CCDC73: variants seen among roughly 807,000 people sequenced by gnomAD.
The protein encoded by CCDC73 is coiled-coil domain-containing protein 73.
Under a neutral mutation model 116.5 loss-of-function variants are expected in CCDC73, and 95 were observed. The observed-to-expected ratio is 0.82, with a 90% confidence interval of 0.69 to 0.97. The LOEUF (loss-of-function observed/expected upper bound fraction) is 0.97. Among genes scored for constraint, CCDC73 ranks in the 50% least tolerant of loss-of-function variants. The pLI is 0.00. For missense variants in CCDC73, 1,066 were observed against 1,206.8 expected (o/e 0.88, Z 1.73); for synonymous variants, 398 against 401.3 (o/e 0.99, Z 0.10).
At chr11:32,647,646 A>G (rs11031920) in intron 12 of CCDC73, among the ~76,000 whole-genome samples, 14 of 152,142 alleles carry the variant, frequency 9.2e-5, no homozygotes, top group African/African-American at 3.4e-4. Context: ...TAGCAGCTAT[A>G]GTCTTTTCTC....
chr11:32,701,976 T>C (rs1420123580), intron 4 of CCDC73, among the ~76,000 whole-genome samples: 2 of 152,194 alleles, frequency 1.3e-5, no homozygotes, highest in Non-Finnish European at 2.9e-5. Flanking sequence ...CCAAAGTCCT[T>C]TGTGACAGCA....
At position 32,741,835 on chromosome 11, in the gene CCDC73, T is replaced by C. The variant is rs184120798; in HGVS notation, c.135+18274A>G. On this transcript the variant is annotated intron_variant, in intron 2 of 17. Coordinates refer to ENST00000335185, the MANE Select transcript of CCDC73 (RefSeq NM_001008391.4). Reference sequence around the variant, plus strand: ...GTCACCCACCCCCCACAGGCCCCTGTGTGTGATGTTCCTCTCCCTGTGTCC... The same window carrying C: ...GTCACCCACCCCCCACAGGCCCCTGCGTGTGATGTTCCTCTCCCTGTGTCC... 3.5e-3 allele frequency among the ~76,000 whole-genome samples: 537 copies of C among 152,072 alleles called. 6 individuals carry two copies. Among genetic ancestry groups the C allele is most frequent in the African/African-American group, 0.012 (518 of 41,460 alleles).
At chr11:32,742,928 C>A (rs1306675121) in intron 2 of CCDC73, among the ~76,000 whole-genome samples, 1 of 152,114 alleles carries the variant, frequency 6.6e-6, no homozygotes, top group African/African-American at 2.4e-5. Flanking sequence ...TTCCCCATTG[C>A]TTATGTGTGT....
intron 1 of CCDC73, among the ~76,000 whole-genome samples, chr11:32,765,565 T>G (rs1469201250): frequency 1.3e-5 from 2 of 152,060 alleles, no homozygotes; most frequent in African/African-American, 4.8e-5. Context: ...TTGAAAACAA[T>G]GAGAACAAAG....
At chr11:32,758,431 G>C (rs1049738460) in intron 2 of CCDC73, 5 of 482,150 alleles carry the variant, frequency 1.0e-5, no homozygotes, top group Admixed American at 8.6e-5. Flanking sequence ...AGATTTCAAG[G>C]AGTTTGTGCT....
At chr11:32,744,598 T>TC (rs1850218115) in intron 2 of CCDC73, among the ~76,000 whole-genome samples, 3 of 152,230 alleles carry the variant, frequency 2.0e-5, no homozygotes. Context: ...CTGTTATTGG[T>TC]CTATTCAGAG....
chr11:32,705,534 C>T (rs910503731), intron 3 of CCDC73, among the ~76,000 whole-genome samples: 1 of 152,210 alleles, frequency 6.6e-6, no homozygotes, highest in Non-Finnish European at 1.5e-5. Flanking sequence ...CACTCGCTCA[C>T]ACACCCCTCG....
chr11:32,612,851 T>C (rs1350942658), intron 16 of CCDC73, among the ~76,000 whole-genome samples: 1 of 152,296 alleles, frequency 6.6e-6, no homozygotes, highest in East Asian at 1.9e-4. Flanking sequence ...TCTCCCCCCA[T>C]TTTTTCTGGA....
intron 9 of CCDC73, among the ~76,000 whole-genome samples, chr11:32,665,175 C>T (rs9666148): frequency 0.26 from 39,478 of 151,882 alleles, 5,598 homozygotes; most frequent in South Asian, 0.35. Flanking sequence ...CTATTAGGTC[C>T]GCTTGGTGCA....
rs542396673 is a variant in CCDC73, at chr11:32,707,886, C to G, written c.208-4942G>C. 1.2e-4 allele frequency among the ~76,000 whole-genome samples: 18 copies of G among 152,244 alleles called. No individual in the cohort carries two copies. In the South Asian group the frequency reaches 3.7e-3, roughly 32 times the overall value. On this transcript the variant is annotated intron_variant, in intron 3 of 17. Coordinates refer to ENST00000335185, the MANE Select transcript of CCDC73 (RefSeq NM_001008391.4). Reference sequence around the variant, plus strand: ...ATCACCCCCACCTCTATATAACTTACGTGCTCAATAATGGAACATCTCCCT... The same window carrying G: ...ATCACCCCCACCTCTATATAACTTAGGTGCTCAATAATGGAACATCTCCCT...
intron 3 of CCDC73, among the ~76,000 whole-genome samples, chr11:32,712,125 C>T (rs930476040): frequency 7.9e-5 from 12 of 152,166 alleles, no homozygotes; most frequent in South Asian, 2.1e-4. Flanking sequence ...CTCCCCCACA[C>T]ATTTCCACCC....
At chr11:32,816,085 T>C in the CCDC73 span, among the ~76,000 whole-genome samples, 1 of 152,200 alleles carries the variant, frequency 6.6e-6, no homozygotes, top group East Asian at 1.9e-4. Flanking sequence ...GGTACTGCCA[T>C]TTTCTGAGTT....
intron 2 of CCDC73, among the ~76,000 whole-genome samples, chr11:32,733,501 T>C (rs147560044): frequency 0.1 from 15,436 of 152,212 alleles, 1,053 homozygotes; most frequent in Non-Finnish European, 0.15. Flanking sequence ...TATTCCAAAA[T>C]TGACCACATA....
intron 15 of CCDC73, 109 bp downstream of exon 15, chr11:32,615,831 G>C (rs1443811334): frequency 9.6e-7 from 1 of 1,044,220 alleles, no homozygotes; most frequent in African/African-American, 1.7e-5. Flanking sequence ...AATCCAAAAA[G>C]ACTAGGAATA....
At chr11:32,815,833 C>T in the CCDC73 span, among the ~76,000 whole-genome samples, 1 of 152,184 alleles carries the variant, frequency 6.6e-6, no homozygotes, top group South Asian at 2.1e-4. Flanking sequence ...ACCAACCTTA[C>T]ACACCTGCAG....
chr11:32,673,345 A>C (rs1227719218), intron 9 of CCDC73, among the ~76,000 whole-genome samples: 1 of 152,190 alleles, frequency 6.6e-6, no homozygotes, highest in Non-Finnish European at 1.5e-5. Flanking sequence ...TGTACTTTCT[A>C]TTCAGTTTTG....
intron 14 of CCDC73, among the ~76,000 whole-genome samples, chr11:32,635,471 C>T (rs117275130): frequency 0.011 from 1,604 of 152,038 alleles, 12 homozygotes; most frequent in Non-Finnish European, 0.016. Flanking sequence ...ATAGTGTTTT[C>T]GACAAATATT....
chr11:32,675,818 T>C, intron 8 of CCDC73, 68 bp downstream of exon 8: 1 of 1,338,684 alleles, frequency 7.5e-7, no homozygotes, highest in Non-Finnish European at 1.0e-6. Flanking sequence ...ATTCAATGTA[T>C]TCATAGTAAA....
rs1856111074 is a variant in CCDC73 at position 32,678,401 on chromosome 11, C to T, written c.430-2380G>A. ...GGTGACCTTGGGTAAATTATCTACC[C>T]TATTTTTAGGAAGAAGTTTATAATA... On this transcript the variant is annotated intron_variant, in intron 7 of 17. Transcript: ENST00000335185. Among the ~76,000 whole-genome samples, 3 of 152,122 alleles carry T rather than the reference C, an allele frequency of 2.0e-5. No homozygotes were observed. In the South Asian group the frequency reaches 6.2e-4, roughly 32 times the overall value.
Sources: gnomAD v4.1 joint callset for allele counts (sites outside exome capture counted in the v4.1 genomes callset) on GRCh38, gnomAD v4.1.1 for gene constraint, MANE v1.5 for transcripts, NCBI Gene and HGNC (gene_info 2026-07-23, HGNC 2026-07-21) for gene names.